CDH9: variants seen among roughly 807,000 people sequenced by gnomAD.
CDH9 encodes the protein cadherin 9.
A neutral mutation model predicts 70.9 loss-of-function variants in CDH9; 28 were observed. The observed-to-expected ratio is 0.40, with a 90% CI of 0.29 to 0.54. The LOEUF (loss-of-function observed/expected upper bound fraction) is 0.54. CDH9 is among the 20% of genes least tolerant of loss of function. The pLI is 0.59. For synonymous variants in CDH9, 409 were observed against 343.1 expected, an observed-to-expected ratio of 1.19 and a Z score of -2.12; for missense variants, 874 against 984.4, an observed-to-expected ratio of 0.89 and a Z score of 1.50.
intron 2 of CDH9, among the ~76,000 whole-genome samples, chr5:26,940,064 C>A (rs998284001): frequency 4.0e-5 from 6 of 151,054 alleles, no homozygotes; most frequent in Admixed American, 4.0e-4. Flanking sequence ...GAGACTGAGG[C>A]AGGAGACTGA....
intron 7 of CDH9, among the ~76,000 whole-genome samples, chr5:26,897,702 A>G (rs1004281366): frequency 2.0e-5 from 3 of 152,180 alleles, no homozygotes; most frequent in Non-Finnish European, 4.4e-5. Context: ...ACAAACCCAC[A>G]GCCAATATCA....
intron 1 of CDH9, among the ~76,000 whole-genome samples, chr5:27,035,002 GT>G (rs1743367951): frequency 6.6e-6 from 1 of 151,048 alleles, no homozygotes; most frequent in East Asian, 1.9e-4. Context: ...AGAATTCATT[GT>G]TTTCAATAAT....
chr5:26,948,427 C>A (rs892660178), intron 2 of CDH9, among the ~76,000 whole-genome samples: 2 of 152,214 alleles, frequency 1.3e-5, no homozygotes, highest in Non-Finnish European at 2.9e-5. Flanking sequence ...TTGAAAATAT[C>A]TGTGGTTACA....
At chr5:26,932,128 A>AC in intron 2 of CDH9, among the ~76,000 whole-genome samples, 1 of 151,766 alleles carries the variant, frequency 6.6e-6, no homozygotes. Context: ...TTTGAATATC[A>AC]TTTTTTTATT....
At chr5:26,919,979 C>T (rs1741215988) in intron 2 of CDH9, among the ~76,000 whole-genome samples, 2 of 151,944 alleles carry the variant, frequency 1.3e-5, no homozygotes, top group Non-Finnish European at 2.9e-5. Context: ...CTGTGGTGGT[C>T]GTGGGAAGAG....
intron 3 of CDH9, among the ~76,000 whole-genome samples, chr5:26,909,121 C>A (rs2329348): frequency 0.12 from 18,020 of 151,848 alleles, 1,711 homozygotes; most frequent in East Asian, 0.49. Context: ...GTAGCTGGGA[C>A]TACAGGTGCC....
At chr5:26,901,636 AAC>A (rs1446018641) in intron 7 of CDH9, among the ~76,000 whole-genome samples, 1 of 151,926 alleles carries the variant, frequency 6.6e-6, no homozygotes, top group Non-Finnish European at 1.5e-5. Flanking sequence ...CCATATATTT[AAC>A]AGATTATTGT....
chr5:27,038,341 TGAGAGAGA>T (rs143766170), intron 1 of CDH9, 114 bp downstream of exon 1: 6 of 142,164 alleles, frequency 4.2e-5, no homozygotes, highest in Middle Eastern at 3.6e-3. Flanking sequence ...TTCCAAGTGT[TGAGAGAGA>T]GAGAGAGAGA....
At chr5:26,953,053 C>A (rs1252248833) in intron 2 of CDH9, among the ~76,000 whole-genome samples, 1 of 152,074 alleles carries the variant, frequency 6.6e-6, no homozygotes, top group Non-Finnish European at 1.5e-5. Context: ...AAGCACGCTG[C>A]CTGCTGTAGT....
At chr5:27,017,399 C>G (rs899164629) in intron 1 of CDH9, among the ~76,000 whole-genome samples, 1 of 151,148 alleles carries the variant, frequency 6.6e-6, no homozygotes, top group East Asian at 1.9e-4. Flanking sequence ...AAAGGGATTG[C>G]TTTTCTGTTT....
intron 2 of CDH9, among the ~76,000 whole-genome samples, chr5:26,950,648 C>T (rs1332206746): frequency 1.3e-5 from 2 of 152,128 alleles, no homozygotes; most frequent in Non-Finnish European, 2.9e-5. Flanking sequence ...AAAAATTACA[C>T]ATTCCATAAA....
rs149046875 is a variant in CDH9, at chr5:26,997,352, T to C, written c.-49-8970A>G. 3.0e-3 allele frequency among the ~76,000 whole-genome samples: 455 copies of C among 152,194 alleles called. 2 individuals are homozygous for C. Among genetic ancestry groups the C allele is most frequent in the African/African-American group, 9.8e-3 (408 of 41,542 alleles). On this transcript the variant is annotated intron_variant, in intron 1 of 11. Transcript: ENST00000231021. ...AAGCAATTTTTCTGACAATATTGGATTGGCCCCTTGAATGGAAATCCAGGG... is the reference window on the plus strand; with the variant it reads ...AAGCAATTTTTCTGACAATATTGGACTGGCCCCTTGAATGGAAATCCAGGG...
intron 2 of CDH9, among the ~76,000 whole-genome samples, chr5:26,955,940 A>G (rs1005561170): frequency 6.6e-6 from 1 of 152,172 alleles, no homozygotes; most frequent in Non-Finnish European, 1.5e-5. Context: ...TTTTTATATC[A>G]CCATCCTAGT....
chr5:26,891,945 A>G (rs1740667459), intron 7 of CDH9, among the ~76,000 whole-genome samples: 2 of 152,164 alleles, frequency 1.3e-5, no homozygotes, highest in South Asian at 4.1e-4. Flanking sequence ...AAATCTGTTC[A>G]CAACCTGAAT....
At chr5:26,962,387 A>C (rs2112062384) in intron 2 of CDH9, among the ~76,000 whole-genome samples, 2 of 152,310 alleles carry the variant, frequency 1.3e-5, no homozygotes, top group South Asian at 4.1e-4. Context: ...TAGATCCTTG[A>C]GGAATCGCCA....
intron 1 of CDH9, among the ~76,000 whole-genome samples, chr5:27,002,540 A>G (rs1433497045): frequency 6.6e-6 from 1 of 152,178 alleles, no homozygotes; most frequent in East Asian, 1.9e-4. Context: ...TCAATGATAG[A>G]CTGGATTAAG....
intron 2 of CDH9, among the ~76,000 whole-genome samples, chr5:26,958,690 A>G (rs1741986223): frequency 6.6e-6 from 1 of 152,234 alleles, no homozygotes; most frequent in African/African-American, 2.4e-5. Flanking sequence ...TGTGCTTAGT[A>G]TACGCAGAAA....
At chr5:27,004,106 C>T (rs1207263249) in intron 1 of CDH9, among the ~76,000 whole-genome samples, 2 of 117,220 alleles carry the variant, frequency 1.7e-5, no homozygotes, top group Admixed American at 8.6e-5. Context: ...AAGAATGCCT[C>T]TCTGAAAAAA....
At position 26,885,573 on chromosome 5, in the gene CDH9, T is replaced by A. The variant is rs184003676; in HGVS notation, c.1882+41A>T. On this transcript the variant is annotated intron_variant, in intron 11 of 11. Coordinates refer to ENST00000231021, the MANE Select transcript of CDH9 (RefSeq NM_016279.4). ...CCATGCTCAGACAGTGAGGGAGAGA[T>A]TTTTGTGAGTTAAAGGATCATTCAG... 84 of 1,571,408 alleles carry A rather than the reference T, an allele frequency of 5.3e-5. 1 individual carries two copies. In the East Asian group the frequency reaches 1.8e-3, roughly 34 times the overall value.
Sources: allele counts gnomAD v4.1 joint callset (sites outside exome capture counted in the v4.1 genomes callset), GRCh38; gene constraint gnomAD v4.1.1; transcripts MANE v1.5; gene names NCBI Gene and HGNC (gene_info 2026-07-23, HGNC 2026-07-21).